The following LPCAT1 variants were observed in gnomAD, a reference collection of about 807,000 sequenced individuals.
The protein encoded by LPCAT1 is 1-acylglycerol-3-phosphate O-acyltransferase.
A neutral mutation model predicts 60.9 loss-of-function variants in LPCAT1; 23 were observed. The observed-to-expected ratio is 0.38, with a 90% confidence interval of 0.27 to 0.53. The LOEUF is 0.53. Among genes scored for constraint, LPCAT1 ranks in the 20% least tolerant of loss-of-function variants. The pLI is 0.82. For synonymous variants in LPCAT1, 340 were observed against 301.1 expected (o/e 1.13, Z -1.34); for missense variants, 622 against 723.6 (o/e 0.86, Z 1.61).
Position 1,502,882 on chromosome 5 carries a change from T to C in LPCAT1, c.136-1279A>G, listed in dbSNP as rs1023813317. 6.6e-6 allele frequency among the ~76,000 whole-genome samples: 1 copy of C among 152,180 alleles called. No individual in the cohort carries two copies. Among genetic ancestry groups the C allele is most frequent in the African/African-American group, 2.4e-5 (1 of 41,424 alleles). On this transcript the variant is annotated intron_variant, in intron 1 of 13. Transcript: ENST00000283415. The surrounding 1 kb of genome is among the most constrained non-coding windows in gnomAD (Gnocchi z 5.5). Reference sequence around the variant, plus strand: ...AGAAACATGCCTGCCACATGTGTCATTTTAAATTTTCGAGTGGCCACATTT... The same window carrying C: ...AGAAACATGCCTGCCACATGTGTCACTTTAAATTTTCGAGTGGCCACATTT...
chr5:1,499,666 C>A (rs910962743), intron 2 of LPCAT1, among the ~76,000 whole-genome samples: 2 of 152,022 alleles, frequency 1.3e-5, no homozygotes, highest in South Asian at 4.1e-4. Context: ...TCACCACTAC[C>A]CAGCAAGCTG....
intron 12 of LPCAT1, among the ~76,000 whole-genome samples, chr5:1,470,530 C>T (rs1050934475): frequency 1.3e-5 from 2 of 152,140 alleles, no homozygotes; most frequent in African/African-American, 4.8e-5. Flanking sequence ...TGTTAGGTGC[C>T]CTGTAGTGTG....
chr5:1,485,690 T>A (rs1735343722), intron 5 of LPCAT1, among the ~76,000 whole-genome samples: 1 of 152,068 alleles, frequency 6.6e-6, no homozygotes, highest in African/African-American at 2.4e-5. Flanking sequence ...CGTGTCCACA[T>A]CTGCTCACAG....
intron 13 of LPCAT1, among the ~76,000 whole-genome samples, chr5:1,466,091 A>G (rs1339425103): frequency 6.6e-6 from 1 of 152,274 alleles, no homozygotes; most frequent in Non-Finnish European, 1.5e-5. Context: ...GAGCCAGGCC[A>G]GGGCCTGCAG....
At position 1,487,898 on chromosome 5, in the gene LPCAT1, G is replaced by A. The variant is rs1174622727; in HGVS notation, c.667+493C>T. Among the ~76,000 whole-genome samples the A allele has an allele frequency of 2.6e-5, 4 of 152,050 alleles. No homozygotes were observed. The highest frequency in any genetic ancestry group is 9.7e-5 in the African/African-American group (4 of 41,408). ...GACACAATACTAGACCCAGGTAACC[G>A]CCGCGGGAGAGACCCAAGTTCACAC... On this transcript the variant is annotated intron_variant, in intron 5 of 13. Transcript: ENST00000283415. This position sits in a 1 kb window ranked among gnomAD's most constrained non-coding sequence, Gnocchi z 6.1.
intron 3 of LPCAT1, among the ~76,000 whole-genome samples, chr5:1,493,483 A>G (rs1333769201): frequency 6.6e-6 from 1 of 152,264 alleles, no homozygotes; most frequent in Non-Finnish European, 1.5e-5. Flanking sequence ...TGCTGCATGG[A>G]AACAGAGCCG....
In LPCAT1 at chr5:1,495,332, G is replaced by T. The variant is rs891154080; in HGVS notation, c.279-418C>A. On this transcript the variant is annotated intron_variant, in intron 2 of 13. Transcript: ENST00000283415. The surrounding 1 kb of genome is among the most constrained non-coding windows in gnomAD (Gnocchi z 4.7). ...CACCTAAAACGCATATCGCAATATG[G>T]GGGGGGGGGCGCTCAGAGCTGAGGG... is the stretch of plus-strand genomic sequence containing the variant. Among the ~76,000 whole-genome samples the T allele has an allele frequency of 9.8e-4, 35 of 35,534 alleles. No individual in the cohort carries two copies. The East Asian group carries it at 0.052, about 53-fold the overall frequency. The allele number at this position is 35,534 out of a possible 152,430, so 23.3% of individuals were successfully genotyped here. A position where few individuals can be genotyped will look rare whatever the true frequency, so the allele number is the denominator to read the frequency against.
intron 5 of LPCAT1, among the ~76,000 whole-genome samples, chr5:1,484,172 C>T (rs1735282924): frequency 6.6e-6 from 1 of 152,252 alleles, no homozygotes; most frequent in Non-Finnish European, 1.5e-5. Context: ...ACCTGATGGG[C>T]TCCCAAGGAA....
At chr5:1,519,606 C>G (rs1225931137) in intron 1 of LPCAT1, among the ~76,000 whole-genome samples, 1 of 152,246 alleles carries the variant, frequency 6.6e-6, no homozygotes, top group East Asian at 1.9e-4. Context: ...GCTAAGCCAG[C>G]CCACGCTGCC....
Position 1,480,868 on chromosome 5 carries a change from ACAG to A in LPCAT1, c.761+71_761+73del. 6.4e-7 allele frequency: 1 copy of A among 1,563,224 alleles called. No individual in the cohort carries two copies. The highest frequency in any genetic ancestry group is 8.8e-7 in the Non-Finnish European group (1 of 1,134,200). The stretch of plus-strand genomic sequence containing the variant: ...ACAACTGCAAAAGTAACTAGCGTGC[ACAG>A]CAGACCCCAAGCAGCCCCTACGTGT... On this transcript the variant is annotated intron_variant, in intron 7 of 13. Coordinates refer to ENST00000283415, the MANE Select transcript of LPCAT1 (RefSeq NM_024830.5). This position sits in a 1 kb window ranked among gnomAD's most constrained non-coding sequence, Gnocchi z 6.4.
rs1560985587 is a variant in LPCAT1, at chr5:1,502,046, C to T, written c.136-443G>A. On this transcript the variant is annotated intron_variant, in intron 1 of 13. Transcript: ENST00000283415. The surrounding 1 kb of genome is among the most constrained non-coding windows in gnomAD (Gnocchi z 5.5). The stretch of plus-strand genomic sequence containing the variant: ...TGACCAAGGCTGACCGGTGCTGATG[C>T]CGACCAGCCCTCACCATGGCTGTGG... Among the ~76,000 whole-genome samples the T allele has an allele frequency of 6.6e-6, 1 of 152,236 alleles. No homozygotes were observed. Among genetic ancestry groups the T allele is most frequent in the Non-Finnish European group, 1.5e-5 (1 of 68,032 alleles).
chr5:1,506,188 A>G (rs36971), intron 1 of LPCAT1, among the ~76,000 whole-genome samples: 40,920 of 152,096 alleles, frequency 0.27, 6,333 homozygotes, highest in Non-Finnish European at 0.35. Context: ...GTGCTGTGAA[A>G]ACTGCTTGGA....
chr5:1,523,769 G>T lies in LPCAT1; in HGVS notation c.76C>A (p.Pro26Thr). The T allele has an allele frequency of 1.7e-6, 2 of 1,155,100 alleles. No individual in the cohort carries two copies. Among genetic ancestry groups the T allele is most frequent in the Non-Finnish European group, 2.1e-6 (2 of 934,690 alleles). 71.6% of individuals were successfully genotyped at this position (1,155,100 alleles called of 1,614,324 possible). ...AGASDARLLA[P>T]PGRNPFVHEL... The stretch of plus-strand genomic sequence containing the variant: ...TGCACGAAGGGGTTCCGCCCCGGGG[G>T]CGCCAGCAGCCGAGCGTCGCTGGCC... The change falls in exon 1 of 14, where the codon CCC becomes ACC. Residue 26 changes from proline (P) to threonine (T), a missense_variant. Pro to Thr is a conservative substitution (Grantham distance 38, BLOSUM62 -1). Transcript: ENST00000283415. This position sits in a 1 kb window ranked among gnomAD's most constrained non-coding sequence, Gnocchi z 7.1.
At chr5:1,475,735 C>T (rs1006133762) in intron 9 of LPCAT1, among the ~76,000 whole-genome samples, 6 of 152,114 alleles carry the variant, frequency 3.9e-5, no homozygotes, top group African/African-American at 9.7e-5. Flanking sequence ...CTCCACTCCC[C>T]GAGTGGGGCT....
rs375617054 is a variant in LPCAT1 at position 1,463,830 on chromosome 5, A to G, written c.1426T>C (p.Phe476Leu). ...EEKGKITFAD[F>L]HRFAEMYPAF... ...GGGTACATTTCTGCAAACCTGTGGAAGTCAGCTGGAAAGACAAAGGCACCT... is the reference window on the plus strand; with the variant it reads ...GGGTACATTTCTGCAAACCTGTGGAGGTCAGCTGGAAAGACAAAGGCACCT... Residue 476 changes from phenylalanine (F) to leucine (L), a missense_variant, in exon 14 of 14, where the codon TTC becomes CTC. Around this residue, in one of 3 missense-constraint regions of LPCAT1, gnomAD observed 288 missense variants for 283.6 expected, o/e 1.02. Transcript: ENST00000283415. The G allele has an allele frequency of 1.2e-6, 2 of 1,613,854 alleles. No homozygotes were observed. Among genetic ancestry groups the G allele is most frequent in the Non-Finnish European group, 1.7e-6 (2 of 1,179,876 alleles).
At position 1,522,986 on chromosome 5, in the gene LPCAT1, C is replaced by T. The variant is rs932371069; in HGVS notation, c.135+724G>A. ...CATCGCAGGATCTCAGCAAACCGTT[C>T]CCTCCCACGTGGCAGCCCAGGTTGC... On this transcript the variant is annotated intron_variant, in intron 1 of 13. Transcript: ENST00000283415. The surrounding 1 kb of genome is among the most constrained non-coding windows in gnomAD (Gnocchi z 6.8). 1.3e-5 allele frequency among the ~76,000 whole-genome samples: 2 copies of T among 152,204 alleles called. No individual in the cohort carries two copies. The highest frequency in any genetic ancestry group is 4.8e-5 in the African/African-American group (2 of 41,454).
intron 1 of LPCAT1, among the ~76,000 whole-genome samples, chr5:1,509,908 A>G (rs1424604691): frequency 2.0e-5 from 3 of 152,228 alleles, no homozygotes; most frequent in Non-Finnish European, 4.4e-5. Context: ...CAGGCGCTAC[A>G]GATCCCAGGT....
At chr5:1,494,506 T>C (rs1579792515) in intron 3 of LPCAT1, among the ~76,000 whole-genome samples, 194 bp downstream of exon 3, 1 of 148,882 alleles carries the variant, frequency 6.7e-6, no homozygotes, top group Non-Finnish European at 1.5e-5. Flanking sequence ...GATCTCTCAT[T>C]CCCAGAAGGG....
chr5:1,481,215 C>T lies in LPCAT1; in HGVS notation c.727-239G>A, dbSNP rs1735126736. Among the ~76,000 whole-genome samples, 1 of 152,138 alleles carries T rather than the reference C, an allele frequency of 6.6e-6. No homozygotes were observed. Among genetic ancestry groups the T allele is most frequent in the African/African-American group, 2.4e-5 (1 of 41,426 alleles). ...AAGGACCCAGAGAACCACCACCTTA[C>T]AGGTCCCCAGAGTTCCCCCAAGATC... On this transcript the variant is annotated intron_variant, in intron 6 of 13. Transcript: ENST00000283415. The surrounding 1 kb of genome is among the most constrained non-coding windows in gnomAD (Gnocchi z 7.8).
Sources: allele counts gnomAD v4.1 joint callset (sites outside exome capture counted in the v4.1 genomes callset), GRCh38; gene constraint gnomAD v4.1.1; regional missense constraint gnomAD v4.1.1; non-coding constraint Gnocchi (gnomAD v3.1); transcripts MANE v1.5; gene names NCBI Gene and HGNC (gene_info 2026-07-23, HGNC 2026-07-21).